CNOT6L: variants seen among roughly 807,000 people sequenced by gnomAD.
CNOT6L encodes CCR4-NOT transcription complex subunit 6-like.
Under a neutral mutation model 64.0 loss-of-function variants are expected in CNOT6L, and 7 were observed. That is an observed-to-expected ratio of 0.11 (90% CI 0.06 to 0.21). CNOT6L has a LOEUF of 0.21. Among genes scored for constraint, CNOT6L ranks in the 10% least tolerant of loss-of-function variants. The probability of loss-of-function intolerance (pLI) is 1.00; values close to 1 mark genes in which losing one functional copy is unlikely to be tolerated. For synonymous variants in CNOT6L, 193 were observed against 243.4 expected (o/e 0.79, Z 1.93); for missense variants, 245 against 669.0 (o/e 0.37, Z 6.99).
intron 5 of CNOT6L, among the ~76,000 whole-genome samples, chr4:77,753,643 C>T (rs1725113646): frequency 1.5e-5 from 2 of 137,278 alleles, no homozygotes; most frequent in African/African-American, 5.7e-5. Context: ...TGTACTCCAG[C>T]CTGGGTGACA....
At chr4:77,731,303 G>A (rs892074855) in intron 9 of CNOT6L, 84 bp downstream of exon 9, 26 of 1,339,484 alleles carry the variant, frequency 1.9e-5, no homozygotes, top group Admixed American at 6.2e-5. Flanking sequence ...AATAAATAAC[G>A]GCAAAATTCT....
chr4:77,774,430 G>C, intron 3 of CNOT6L, 100 bp downstream of exon 3: 2 of 948,070 alleles, frequency 2.1e-6, no homozygotes, highest in Non-Finnish European at 3.1e-6. Context: ...TAATTTGATA[G>C]TTACAACACA....
At chr4:77,736,682 G>A (rs1290149053) in intron 8 of CNOT6L, among the ~76,000 whole-genome samples, 2 of 152,026 alleles carry the variant, frequency 1.3e-5, no homozygotes, top group Non-Finnish European at 2.9e-5. Context: ...TACAGCCTTG[G>A]TAATACGGAA....
rs1051132287 is a variant in CNOT6L, at chr4:77,718,072, A to T, written c.*2359T>A. The stretch of plus-strand genomic sequence containing the variant: ...TTTTTTCCCTCTACATTTAACTATT[A>T]AAAAAGTTTTTTATTAATAAATGGG... On this transcript the variant is annotated 3_prime_UTR_variant, in exon 12 of 12. Coordinates refer to ENST00000504123, the MANE Select transcript of CNOT6L (RefSeq NM_144571.3). 1.3e-5 allele frequency: 2 copies of T among 152,328 alleles called. No individual in the cohort carries two copies. Among genetic ancestry groups the T allele is most frequent in the Non-Finnish European group, 2.9e-5 (2 of 67,988 alleles). 9.4% of individuals were successfully genotyped at this position (152,328 alleles called of 1,614,324 possible).
intron 1 of CNOT6L, among the ~76,000 whole-genome samples, chr4:77,801,434 C>T (rs537964366): frequency 1.5e-4 from 23 of 152,212 alleles, no homozygotes; most frequent in African/African-American, 4.3e-4. Context: ...AACTCATTAC[C>T]TTCCTCCTGA....
At chr4:77,806,913 T>A (rs1360675362) in intron 1 of CNOT6L, among the ~76,000 whole-genome samples, 1 of 152,204 alleles carries the variant, frequency 6.6e-6, no homozygotes, top group Non-Finnish European at 1.5e-5. Flanking sequence ...ATTTAATTAT[T>A]CATTCATTTA....
chr4:77,748,310 A>G lies in CNOT6L; in HGVS notation c.559+6T>C, dbSNP rs1375485845. The stretch of plus-strand genomic sequence containing the variant: ...AAAAAAAGGAAGAATAAGAAAAACT[A>G]TTTACCTGACGGCAGAATTTGGTCT... On this transcript the variant is annotated splice_donor_region_variant and intron_variant, in intron 6 of 11. Coordinates refer to ENST00000504123, the MANE Select transcript of CNOT6L (RefSeq NM_144571.3). 2 of 1,587,528 alleles carry G rather than the reference A, an allele frequency of 1.3e-6. No homozygotes were observed. Among genetic ancestry groups the G allele is most frequent in the Non-Finnish European group, 1.7e-6 (2 of 1,156,348 alleles).
At chr4:77,805,310 A>C (rs1019559478) in intron 1 of CNOT6L, among the ~76,000 whole-genome samples, 4 of 152,226 alleles carry the variant, frequency 2.6e-5, no homozygotes, top group African/African-American at 9.6e-5. Context: ...TACCATCTGC[A>C]AAGAAAAGTA....
At chr4:77,771,095 G>A (rs950196987) in intron 4 of CNOT6L, among the ~76,000 whole-genome samples, 9 of 152,272 alleles carry the variant, frequency 5.9e-5, no homozygotes, top group Admixed American at 4.6e-4. Context: ...TGAGGTGGGC[G>A]GATCACCTGA....
chr4:77,744,102 GA>G (rs966328152), intron 7 of CNOT6L, among the ~76,000 whole-genome samples: 2 of 152,124 alleles, frequency 1.3e-5, no homozygotes, highest in African/African-American at 4.8e-5. Context: ...AAGTTGCTAA[GA>G]AAAAAGTTAC....
intron 8 of CNOT6L, among the ~76,000 whole-genome samples, chr4:77,737,600 T>C (rs1351712291): frequency 6.6e-6 from 1 of 151,896 alleles, no homozygotes; most frequent in East Asian, 1.9e-4. Flanking sequence ...TTTCTATTTT[T>C]AGTAGAGACA....
chr4:77,794,296 G>A (rs1463649861), intron 1 of CNOT6L, among the ~76,000 whole-genome samples: 1 of 151,788 alleles, frequency 6.6e-6, no homozygotes, highest in Non-Finnish European at 1.5e-5. Context: ...TAAAGTTGAG[G>A]CAAACATTAC....
intron 4 of CNOT6L, among the ~76,000 whole-genome samples, chr4:77,759,619 A>G (rs1016979527): frequency 6.6e-6 from 1 of 152,082 alleles, no homozygotes; most frequent in African/African-American, 2.4e-5. Flanking sequence ...CAACCATATC[A>G]AAAGAATAAA....
intron 4 of CNOT6L, among the ~76,000 whole-genome samples, chr4:77,757,245 A>G (rs1725670568): frequency 6.6e-6 from 1 of 152,184 alleles, no homozygotes; most frequent in Non-Finnish European, 1.5e-5. Context: ...GTAATCCTAT[A>G]GGTTCTACAT....
At chr4:77,783,559 T>C (rs926690209) in intron 1 of CNOT6L, among the ~76,000 whole-genome samples, 1 of 152,196 alleles carries the variant, frequency 6.6e-6, no homozygotes, top group Admixed American at 6.5e-5. Flanking sequence ...TAAAACATCC[T>C]TATCACAAAG....
At chr4:77,727,844 T>C (rs114512919) in intron 10 of CNOT6L, among the ~76,000 whole-genome samples, 1 of 152,206 alleles carries the variant, frequency 6.6e-6, no homozygotes, top group Admixed American at 6.5e-5. Flanking sequence ...CAAACACTTA[T>C]AAACAATGAT....
intron 11 of CNOT6L, among the ~76,000 whole-genome samples, chr4:77,723,805 G>A (rs908408167): frequency 1.3e-5 from 2 of 152,154 alleles, no homozygotes; most frequent in African/African-American, 4.8e-5. Context: ...CAATGTAAAT[G>A]GCTCAATAGG....
chr4:77,808,900 TAA>T (rs1732578810), intron 1 of CNOT6L, among the ~76,000 whole-genome samples: 1 of 152,206 alleles, frequency 6.6e-6, no homozygotes, highest in Non-Finnish European at 1.5e-5. Flanking sequence ...CATTATAGTA[TAA>T]GAGTGTTTTA....
intron 9 of CNOT6L, among the ~76,000 whole-genome samples, chr4:77,730,414 G>A (rs925018403): frequency 6.6e-6 from 1 of 151,950 alleles, no homozygotes; most frequent in African/African-American, 2.4e-5. Context: ...CCCCTTCTAT[G>A]AGTACAAGAG....
Sources: gnomAD v4.1 joint callset for allele counts (sites outside exome capture counted in the v4.1 genomes callset) on GRCh38, gnomAD v4.1.1 for gene constraint, MANE v1.5 for transcripts, NCBI Gene and HGNC (gene_info 2026-07-23, HGNC 2026-07-21) for gene names.